STIMATE: variants seen among roughly 807,000 people sequenced by gnomAD.
The protein encoded by STIMATE is STIM activating enhancer.
In STIMATE, 15 loss-of-function variants were observed where a neutral mutation model predicts 36.7. That is an observed-to-expected ratio of 0.41 (90% confidence interval 0.27 to 0.63). The LOEUF (loss-of-function observed/expected upper bound fraction) is 0.63. Ranked by LOEUF, STIMATE falls within the 20% of genes least tolerant of loss-of-function variation. The pLI, the probability that STIMATE is intolerant of heterozygous loss-of-function variation, is 0.32. For missense variants in STIMATE, 305 were observed against 397.3 expected, an observed-to-expected ratio of 0.77 and a Z score of 1.98; for synonymous variants, 163 against 162.3, an observed-to-expected ratio of 1.00 and a Z score of -0.03.
intron 1 of STIMATE, among the ~76,000 whole-genome samples, chr3:52,867,290 T>C (rs554108474): frequency 1.3e-5 from 2 of 152,332 alleles, no homozygotes; most frequent in South Asian, 4.1e-4. Flanking sequence ...GTGGCCATTT[T>C]AGCTTATGAC....
chr3:52,881,371 C>T (rs1373005936), intron 1 of STIMATE, among the ~76,000 whole-genome samples: 3 of 152,096 alleles, frequency 2.0e-5, no homozygotes, highest in Non-Finnish European at 4.4e-5. Context: ...CTCTGGATGA[C>T]AGGTTTGCTG....
chr3:52,849,111 C>A (rs557450529), intron 4 of STIMATE, among the ~76,000 whole-genome samples: 1 of 152,186 alleles, frequency 6.6e-6, no homozygotes, highest in Admixed American at 6.5e-5. Context: ...GAATTCCATC[C>A]GCTCTCCCTC....
rs1266586292 is a variant in STIMATE at position 52,897,504 on chromosome 3, C to T, written c.-54G>A. Reference sequence around the variant, plus strand: ...CCCAGGGCCCGCCCGGCCTCGCTGCCTGCCGGCGCAGCGCCGCCAAACCCG... The same window carrying T: ...CCCAGGGCCCGCCCGGCCTCGCTGCTTGCCGGCGCAGCGCCGCCAAACCCG... On this transcript the variant is annotated 5_prime_UTR_variant, in exon 1 of 8. Coordinates refer to ENST00000355083, the MANE Select transcript of STIMATE (RefSeq NM_198563.5). The T allele has an allele frequency of 5.3e-5, 64 of 1,197,038 alleles. 1 individual carries two copies. Among genetic ancestry groups the T allele is most frequent in the South Asian group, 4.1e-5 (1 of 24,158 alleles). The allele number at this position is 1,197,038 out of a possible 1,614,324, so 74.2% of individuals were successfully genotyped here.
In STIMATE at chr3:52,868,632, TA is replaced by T. The variant is rs563505036; in HGVS notation, c.161-13189del. ...CAGGAACTTGATTATTTTATTATTT[TA>T]TTTTTTGAGACAGTGTTTTGCTCTT... On this transcript the variant is annotated intron_variant, in intron 1 of 7. Transcript: ENST00000355083. Among the ~76,000 whole-genome samples the T allele has an allele frequency of 6.6e-5, 10 of 152,344 alleles. 1 individual carries two copies. The South Asian group carries it at 2.1e-3, about 32-fold the overall frequency.
At chr3:52,875,790 C>T (rs1161771892) in intron 1 of STIMATE, among the ~76,000 whole-genome samples, 2 of 152,148 alleles carry the variant, frequency 1.3e-5, no homozygotes, top group Non-Finnish European at 2.9e-5. Flanking sequence ...TTACACCTGC[C>T]CTCTTGACAT....
chr3:52,842,500 A>T (rs912175604), intron 7 of STIMATE, among the ~76,000 whole-genome samples: 1 of 152,230 alleles, frequency 6.6e-6, no homozygotes, highest in Non-Finnish European at 1.5e-5. Context: ...GGTCCTTGCC[A>T]GCTCACCAAA....
Position 52,842,797 on chromosome 3 carries a change from C to G in STIMATE, c.768+14G>C. On this transcript the variant is annotated intron_variant, in intron 7 of 7. Transcript: ENST00000355083. ...ACGACGGCTTGGGCCCTTGGAGAGT[C>G]AGGGAGGCCCTACCTCAGACTCAGA... is the stretch of plus-strand genomic sequence containing the variant. 6.2e-7 allele frequency: 1 copy of G among 1,614,062 alleles called. No individual in the cohort carries two copies. Among genetic ancestry groups the G allele is most frequent in the South Asian group, 1.1e-5 (1 of 91,082 alleles).
At chr3:52,875,778 G>C (rs116725640) in intron 1 of STIMATE, among the ~76,000 whole-genome samples, 2,045 of 152,252 alleles carry the variant, frequency 0.013, 47 homozygotes, top group African/African-American at 0.047. Flanking sequence ...TCATAAAGAT[G>C]ATTACACCTG....
At chr3:52,853,472 G>A (rs1350221446) in intron 2 of STIMATE, among the ~76,000 whole-genome samples, 1 of 152,204 alleles carries the variant, frequency 6.6e-6, no homozygotes, top group East Asian at 1.9e-4. Flanking sequence ...CTCTGTGGTC[G>A]AGGCACCTCT....
At chr3:52,843,028 C>A in intron 6 of STIMATE, 68 bp from the exon 7 acceptor site, 2 of 1,601,404 alleles carry the variant, frequency 1.2e-6, no homozygotes, top group Middle Eastern at 1.7e-4. Context: ...GAACAGCCCC[C>A]ATCCGCCCAC....
chr3:52,883,158 C>T (rs1034803368), intron 1 of STIMATE, among the ~76,000 whole-genome samples: 11 of 152,258 alleles, frequency 7.2e-5, no homozygotes, highest in Middle Eastern at 3.4e-3. Context: ...AGGATCAAAG[C>T]GCTTTCATCC....
intron 1 of STIMATE, among the ~76,000 whole-genome samples, chr3:52,879,712 A>ATGGTT (rs1285942802): frequency 1.3e-5 from 2 of 152,200 alleles, no homozygotes; most frequent in East Asian, 3.8e-4. Flanking sequence ...TGGAAAAACC[A>ATGGTT]CCATCACATG....
At chr3:52,886,108 T>C (rs773213872) in intron 1 of STIMATE, among the ~76,000 whole-genome samples, 13 of 152,170 alleles carry the variant, frequency 8.5e-5, no homozygotes, top group Non-Finnish European at 1.5e-4. Context: ...AGCCTTTGGC[T>C]TCTTCCCAGT....
At chr3:52,852,794 C>T in intron 2 of STIMATE, 96 bp from the exon 3 acceptor site, 2 of 1,446,024 alleles carry the variant, frequency 1.4e-6, no homozygotes, top group Non-Finnish European at 1.9e-6. Context: ...GAAAGCCACC[C>T]CAACCTTCCA....
chr3:52,845,669 C>A (rs1010756340), intron 4 of STIMATE, among the ~76,000 whole-genome samples: 1 of 152,180 alleles, frequency 6.6e-6, no homozygotes, highest in Admixed American at 6.5e-5. Flanking sequence ...ACCGAGGGAC[C>A]TAGTAGTACA....
At chr3:52,886,219 C>A (rs1701684920) in intron 1 of STIMATE, among the ~76,000 whole-genome samples, 1 of 152,186 alleles carries the variant, frequency 6.6e-6, no homozygotes, top group African/African-American at 2.4e-5. Flanking sequence ...AAGACCTCCA[C>A]ATGCAGAGGA....
rs369125161 is a variant in STIMATE at position 52,840,453 on chromosome 3, G to A, written c.*41C>T. On this transcript the variant is annotated 3_prime_UTR_variant, in exon 8 of 8. Transcript: ENST00000355083. ...TGCGGGATGACCTCTGCACACCAGCGGCTGGCGGGGCCCTCCCGTCACCCC... is the reference window on the plus strand; with the variant it reads ...TGCGGGATGACCTCTGCACACCAGCAGCTGGCGGGGCCCTCCCGTCACCCC... 1.1e-4 allele frequency: 177 copies of A among 1,603,552 alleles called. No homozygotes were observed. The African/African-American group carries it at 2.2e-3, about 19-fold the overall frequency.
intron 1 of STIMATE, among the ~76,000 whole-genome samples, chr3:52,869,907 T>G (rs376953730): frequency 6.6e-6 from 1 of 152,154 alleles, no homozygotes; most frequent in African/African-American, 2.4e-5. Flanking sequence ...TGGAAGAAAT[T>G]ATAGTATACA....
At chr3:52,886,450 T>C (rs1575349682) in intron 1 of STIMATE, among the ~76,000 whole-genome samples, 2 of 152,202 alleles carry the variant, frequency 1.3e-5, no homozygotes, top group South Asian at 4.1e-4. Context: ...TAAAGTAAGA[T>C]GATATGAGTA....
Sources: allele counts gnomAD v4.1 joint callset (sites outside exome capture counted in the v4.1 genomes callset), GRCh38; gene constraint gnomAD v4.1.1; transcripts MANE v1.5; gene names NCBI Gene and HGNC (gene_info 2026-07-23, HGNC 2026-07-21).